TIMP2: variants seen among roughly 807,000 people sequenced by gnomAD.
TIMP2 encodes TIMP metallopeptidase inhibitor 2.
TIMP2 carries 5 observed loss-of-function variants against 24.3 expected under a neutral mutation model. That is an observed-to-expected ratio of 0.21 (90% CI 0.11 to 0.43). The LOEUF is 0.43. Among genes scored for constraint, TIMP2 ranks in the 20% least tolerant of loss-of-function variants. The pLI, the probability that TIMP2 is intolerant of heterozygous loss-of-function variation, is 1.00. For missense variants in TIMP2, 221 were observed against 297.5 expected, an observed-to-expected ratio of 0.74 and a Z score of 1.89; for synonymous variants, 130 against 123.2, an observed-to-expected ratio of 1.06 and a Z score of -0.37.
chr17:78,857,974 G>A (rs1409898939), intron 3 of TIMP2, among the ~76,000 whole-genome samples: 2 of 152,146 alleles, frequency 1.3e-5, no homozygotes, highest in East Asian at 3.9e-4. Context: ...GGAGGCTGAG[G>A]CAGGAGAATC....
intron 1 of TIMP2, among the ~76,000 whole-genome samples, chr17:78,895,183 A>G (rs992034155): frequency 2.0e-5 from 3 of 152,212 alleles, no homozygotes; most frequent in Non-Finnish European, 4.4e-5. Flanking sequence ...CGGGAAGCTA[A>G]GGCAGGAGAA....
intron 1 of TIMP2, among the ~76,000 whole-genome samples, chr17:78,908,716 A>G (rs2070182199): frequency 6.6e-6 from 1 of 152,194 alleles, no homozygotes; most frequent in Non-Finnish European, 1.5e-5. Context: ...ATTTTTATGC[A>G]TTTGCCTGGT....
intron 1 of TIMP2, among the ~76,000 whole-genome samples, chr17:78,879,902 C>A (rs74928368): frequency 0.023 from 3,492 of 151,960 alleles, 116 homozygotes; most frequent in African/African-American, 0.077. Context: ...CGAGCGCACC[C>A]GCCAGAGTGG....
intron 3 of TIMP2, among the ~76,000 whole-genome samples, chr17:78,859,129 A>G (rs1313938342): frequency 1.3e-5 from 2 of 152,170 alleles, no homozygotes; most frequent in African/African-American, 4.8e-5. Flanking sequence ...TTCCATTATG[A>G]AGAGCCAAAG....
chr17:78,866,386 T>C (rs2069616370), intron 3 of TIMP2, among the ~76,000 whole-genome samples: 1 of 152,144 alleles, frequency 6.6e-6, no homozygotes, highest in South Asian at 2.1e-4. Context: ...CCCTTCTCCA[T>C]TTGATTTTTT....
rs763451125 is a variant in TIMP2 at position 78,857,666 on chromosome 17, A to G, written c.341-20T>C. On this transcript the variant is annotated intron_variant, in intron 3 of 4. Transcript: ENST00000262768. ...CCTTTCCTGCGGAGAGACGGGGATCACCGAGCTCAGGGAGAGGGAAAAGTC... is the reference window on the plus strand; with the variant it reads ...CCTTTCCTGCGGAGAGACGGGGATCGCCGAGCTCAGGGAGAGGGAAAAGTC... 4 of 1,613,834 alleles carry G rather than the reference A, an allele frequency of 2.5e-6. No homozygotes were observed. The South Asian group carries it at 3.3e-5, about 13-fold the overall frequency.
intron 1 of TIMP2, among the ~76,000 whole-genome samples, chr17:78,885,625 C>T (rs1425190439): frequency 1.3e-5 from 2 of 152,068 alleles, no homozygotes; most frequent in African/African-American, 4.8e-5. Context: ...GCCCTGTGCA[C>T]TTGTGTCCGG....
intron 1 of TIMP2, among the ~76,000 whole-genome samples, chr17:78,884,871 C>CG (rs2069811933): frequency 6.6e-6 from 1 of 152,230 alleles, no homozygotes. Flanking sequence ...TCTTATGTGT[C>CG]GGAGATCCTG....
At chr17:78,872,092 G>C (rs1365489831) in intron 2 of TIMP2, among the ~76,000 whole-genome samples, 1 of 150,938 alleles carries the variant, frequency 6.6e-6, no homozygotes, top group African/African-American at 2.4e-5. Flanking sequence ...AGGCTCAAGT[G>C]ATCCTCCCAC....
At chr17:78,893,930 C>A (rs1451650107) in intron 1 of TIMP2, among the ~76,000 whole-genome samples, 1 of 152,126 alleles carries the variant, frequency 6.6e-6, no homozygotes, top group African/African-American at 2.4e-5. Flanking sequence ...GATCTGTGAG[C>A]TGCAGGAAAG....
intron 1 of TIMP2, among the ~76,000 whole-genome samples, chr17:78,886,764 A>G (rs1000287843): frequency 8.5e-5 from 13 of 152,090 alleles, no homozygotes; most frequent in Non-Finnish European, 1.8e-4. Context: ...GGTCTCTGTC[A>G]CTGAAGCTGG....
At chr17:78,864,387 CCCTT>C (rs749343079) in intron 3 of TIMP2, among the ~76,000 whole-genome samples, 10 of 145,608 alleles carry the variant, frequency 6.9e-5, no homozygotes, top group East Asian at 2.1e-4. Flanking sequence ...CTTCCTCCCT[CCCTT>C]CCTTCCTTCC....
chr17:78,917,258 A>C (rs1242339290), intron 1 of TIMP2, among the ~76,000 whole-genome samples: 9 of 136,640 alleles, frequency 6.6e-5, no homozygotes, highest in African/African-American at 8.5e-5. Context: ...TCTCAAAAAA[A>C]AAAAAAAAAA....
At position 78,925,198 on chromosome 17, in the gene TIMP2, C is replaced by A; in HGVS notation, c.-110G>T. On this transcript the variant is annotated 5_prime_UTR_variant, in exon 1 of 5. Transcript: ENST00000262768. ...GGGCTGAGCCGGGGCCGAGGCGGGC[C>A]CCTCCCGCGCGGCTCACCCTCCTCA... 1 of 262,378 alleles carries A rather than the reference C, an allele frequency of 3.8e-6. No individual in the cohort carries two copies. Among genetic ancestry groups the A allele is most frequent in the African/African-American group, 2.3e-5 (1 of 43,000 alleles). 16.3% of individuals were successfully genotyped at this position (262,378 alleles called of 1,614,324 possible). A position where few individuals can be genotyped will look rare whatever the true frequency, so the allele number is the denominator to read the frequency against.
At position 78,907,677 on chromosome 17, in the gene TIMP2, C is replaced by T. The variant is rs1375136101; in HGVS notation, c.130+17282G>A. ...GAGAAAAAAATGGCACCGATAGACT[C>T]AGAGTTGAGCCAGCCGTGATATTCA... On this transcript the variant is annotated intron_variant, in intron 1 of 4. Transcript: ENST00000262768. 2.0e-5 allele frequency among the ~76,000 whole-genome samples: 3 copies of T among 152,330 alleles called. No individual in the cohort carries two copies. In the East Asian group the frequency reaches 5.8e-4, roughly 29 times the overall value.
intron 1 of TIMP2, among the ~76,000 whole-genome samples, chr17:78,882,820 T>G (rs2377003): frequency 1.3e-5 from 2 of 152,352 alleles, no homozygotes; most frequent in Middle Eastern, 3.4e-3. Context: ...ACAAGTGTTG[T>G]GAGGTGACAG....
chr17:78,878,380 G>A (rs1402379068), intron 1 of TIMP2, among the ~76,000 whole-genome samples: 3 of 152,186 alleles, frequency 2.0e-5, no homozygotes, highest in Non-Finnish European at 2.9e-5. Context: ...AGGGGCTGGT[G>A]TGGAGGCTGC....
At chr17:78,921,553 A>G (rs532286815) in intron 1 of TIMP2, among the ~76,000 whole-genome samples, 37 of 152,216 alleles carry the variant, frequency 2.4e-4, no homozygotes, top group Non-Finnish European at 5.0e-4. Flanking sequence ...GACTGCCTGA[A>G]TGGTGAGCCC....
chr17:78,866,860 C>T (rs1029107671), intron 3 of TIMP2, among the ~76,000 whole-genome samples: 8 of 152,108 alleles, frequency 5.3e-5, no homozygotes, highest in African/African-American at 1.9e-4. Context: ...CCAGTGGCTG[C>T]TTAGGGCTGG....
Sources: allele counts gnomAD v4.1 joint callset (sites outside exome capture counted in the v4.1 genomes callset), GRCh38; gene constraint gnomAD v4.1.1; transcripts MANE v1.5; gene names NCBI Gene and HGNC (gene_info 2026-07-23, HGNC 2026-07-21).